Variants in MYOM2 observed in about 807,000 individuals in gnomAD.
MYOM2 encodes myomesin 2, also known as myomesin-2.
In MYOM2, 254 loss-of-function variants were observed where a neutral mutation model predicts 187.6. The observed-to-expected ratio is 1.35, with a 90% CI of 1.22 to 1.50. The LOEUF is 1.50. Among genes scored for constraint, MYOM2 ranks in the 40% most tolerant of loss-of-function variants. MYOM2 has a pLI of 0.00. For synonymous variants in MYOM2, 981 were observed against 753.8 expected, an observed-to-expected ratio of 1.30 and a Z score of -4.94; for missense variants, 2,796 against 1,924.0, an observed-to-expected ratio of 1.45 and a Z score of -8.48.
chr8:2,118,563 G>A (rs10107471), intron 28 of MYOM2, among the ~76,000 whole-genome samples: 1 of 152,022 alleles, frequency 6.6e-6, no homozygotes, highest in African/African-American at 2.4e-5. Context: ...GAGATGATTC[G>A]TGAGCTGCGT....
At chr8:2,084,751 G>A (rs1221233159) in intron 13 of MYOM2, among the ~76,000 whole-genome samples, 1 of 152,212 alleles carries the variant, frequency 6.6e-6, no homozygotes, top group South Asian at 2.1e-4. Flanking sequence ...ATGGTACTGA[G>A]CTTTTGAGGG....
chr8:2,119,827 A>G (rs10101799), intron 28 of MYOM2, among the ~76,000 whole-genome samples: 14,973 of 152,002 alleles, frequency 0.099, 948 homozygotes, highest in South Asian at 0.23. Context: ...CAGCACAGCC[A>G]TGCAAGGGGC....
At chr8:2,112,123 C>G (rs560391883) in intron 25 of MYOM2, among the ~76,000 whole-genome samples, 1 of 152,132 alleles carries the variant, frequency 6.6e-6, no homozygotes, top group Non-Finnish European at 1.5e-5. Context: ...CTGTACATCA[C>G]CTGTTGAATA....
rs1175165976 is a variant in MYOM2, at chr8:2,102,377, CA to C, written c.2620-289del. On this transcript the variant is annotated intron_variant, in intron 20 of 36. Coordinates refer to ENST00000262113, the MANE Select transcript of MYOM2 (RefSeq NM_003970.4). ...ACAGAATTATGTTAAATATAAACAC[CA>C]GATTATAAACTAGTCAGTATGATTT... The C allele has an allele frequency of 7.3e-5, 22 of 303,384 alleles. 1 individual carries two copies. The highest frequency in any genetic ancestry group is 4.4e-4 in the African/African-American group (21 of 47,640). The allele number at this position is 303,384 out of a possible 1,614,324, so 18.8% of individuals were successfully genotyped here.
intron 32 of MYOM2, among the ~76,000 whole-genome samples, chr8:2,138,441 G>T (rs780429207): frequency 6.6e-6 from 1 of 152,180 alleles, no homozygotes; most frequent in Non-Finnish European, 1.5e-5. Flanking sequence ...TTCCAGATGC[G>T]GGACTGAGAG....
chr8:2,111,389 C>G (rs1797063219), intron 25 of MYOM2, among the ~76,000 whole-genome samples: 1 of 152,176 alleles, frequency 6.6e-6, no homozygotes, highest in Non-Finnish European at 1.5e-5. Context: ...GACATTGCAG[C>G]ACAGCAGCTA....
intron 14 of MYOM2, among the ~76,000 whole-genome samples, chr8:2,086,534 G>GATCTCTGCGTGGC (rs1796080907): frequency 1.3e-5 from 2 of 150,398 alleles, no homozygotes; most frequent in African/African-American, 4.9e-5. Context: ...ACACTGTCGT[G>GATCTCTGCGTGGC]TTTGCTGTGT....
chr8:2,140,601 A>G (rs771214899), intron 32 of MYOM2, 122 bp from the exon 33 acceptor site: 6 of 911,528 alleles, frequency 6.6e-6, no homozygotes, highest in South Asian at 4.0e-5. Flanking sequence ...AGAATAATCT[A>G]TTGTGACATT....
At chr8:2,086,508 ATCTCTGCGTGGCCCCACACT>A in intron 14 of MYOM2, among the ~76,000 whole-genome samples, 1 of 150,212 alleles carries the variant, frequency 6.7e-6, no homozygotes, top group Non-Finnish European at 1.5e-5. Flanking sequence ...CACTGTCGTG[ATCTCTGCGTGGCCCCACACT>A]GTCGTGTTTG....
intron 13 of MYOM2, among the ~76,000 whole-genome samples, chr8:2,084,642 C>A (rs1352715592): frequency 6.6e-6 from 1 of 152,180 alleles, no homozygotes; most frequent in Admixed American, 6.5e-5. Context: ...TATGGAGCAT[C>A]TCTGACTGCA....
At chr8:2,101,787 A>C (rs1450524467) in intron 20 of MYOM2, among the ~76,000 whole-genome samples, 1 of 152,230 alleles carries the variant, frequency 6.6e-6, no homozygotes, top group East Asian at 1.9e-4. Flanking sequence ...TGTGATCGCT[A>C]AAGTCCATTT....
chr8:2,123,702 T>G, intron 30 of MYOM2, 60 bp downstream of exon 30: 1 of 1,457,770 alleles, frequency 6.9e-7, no homozygotes, highest in Non-Finnish European at 9.6e-7. Flanking sequence ...CAGGATGGGA[T>G]GTATTCTGAA....
At chr8:2,084,454 C>T (rs532021791) in intron 13 of MYOM2, among the ~76,000 whole-genome samples, 19 of 152,218 alleles carry the variant, frequency 1.2e-4, no homozygotes, top group African/African-American at 3.1e-4. Context: ...GGTTTCAGAC[C>T]GTTTTAATCA....
intron 6 of MYOM2, among the ~76,000 whole-genome samples, chr8:2,063,677 G>A (rs1211003500): frequency 6.6e-6 from 1 of 152,190 alleles, no homozygotes; most frequent in African/African-American, 2.4e-5. Flanking sequence ...TATAAATCCA[G>A]CGTCATCACC....
chr8:2,057,855 C>G, intron 5 of MYOM2, 75 bp downstream of exon 5: 2 of 1,521,102 alleles, frequency 1.3e-6, no homozygotes. Flanking sequence ...GTTAAGGAGA[C>G]AAACGCCATT....
chr8:2,122,511 G>A (rs921890158), intron 28 of MYOM2, among the ~76,000 whole-genome samples: 36 of 152,348 alleles, frequency 2.4e-4, no homozygotes, highest in African/African-American at 7.7e-4. Context: ...TACTCTAGCA[G>A]AGCTGATGAC....
intron 6 of MYOM2, among the ~76,000 whole-genome samples, chr8:2,068,434 C>T (rs1019762467): frequency 6.7e-6 from 1 of 150,336 alleles, no homozygotes; most frequent in African/African-American, 2.5e-5. Context: ...ATCCTGGGGA[C>T]AGCTCTTCAA....
At chr8:2,104,914 A>C (rs1409695279) in intron 21 of MYOM2, among the ~76,000 whole-genome samples, 1 of 152,154 alleles carries the variant, frequency 6.6e-6, no homozygotes, top group East Asian at 1.9e-4. Context: ...TATCTTAACG[A>C]CCTAATCACC....
At chr8:2,120,761 C>T (rs1207276082) in intron 28 of MYOM2, among the ~76,000 whole-genome samples, 5 of 116,390 alleles carry the variant, frequency 4.3e-5, no homozygotes, top group African/African-American at 9.5e-5. Flanking sequence ...GTTTTCCCTT[C>T]CTCTCTTCTT....
Sources: gnomAD v4.1 joint callset for allele counts (sites outside exome capture counted in the v4.1 genomes callset) on GRCh38, gnomAD v4.1.1 for gene constraint, MANE v1.5 for transcripts, NCBI Gene and HGNC (gene_info 2026-07-23, HGNC 2026-07-21) for gene names.